The following ABL2 variants were observed in gnomAD, a reference collection of about 807,000 sequenced individuals.
The protein encoded by ABL2 is ABL proto-oncogene 2, non-receptor tyrosine kinase.
A neutral mutation model predicts 107.7 loss-of-function variants in ABL2; 49 were observed. That is an observed-to-expected ratio of 0.45 (90% CI 0.36 to 0.58). The LOEUF is 0.58. Ranked by LOEUF, ABL2 falls within the 20% of genes least tolerant of loss-of-function variation. The pLI is 0.00. For missense variants in ABL2, 1,245 were observed against 1,457.0 expected (o/e 0.85, Z 2.37); for synonymous variants, 549 against 548.6 (o/e 1.00, Z -0.01).
At chr1:179,128,465 A>G (rs929300812) in intron 3 of ABL2, among the ~76,000 whole-genome samples, 13 of 152,166 alleles carry the variant, frequency 8.5e-5, no homozygotes, top group Non-Finnish European at 1.5e-5. Flanking sequence ...CTATATATAC[A>G]TTTTTTAATA....
chr1:179,197,452 C>T (rs990808520), intron 1 of ABL2, among the ~76,000 whole-genome samples: 15 of 151,760 alleles, frequency 9.9e-5, no homozygotes, highest in African/African-American at 3.4e-4. Flanking sequence ...GGCCCTTTTA[C>T]CCCCACCAAA....
At chr1:179,195,557 G>T (rs1661261412) in intron 1 of ABL2, among the ~76,000 whole-genome samples, 1 of 152,064 alleles carries the variant, frequency 6.6e-6, no homozygotes, top group Admixed American at 6.5e-5. Context: ...TTGAAAGCAG[G>T]AACTCAGATA....
At chr1:179,184,676 G>A (rs1258502567) in intron 1 of ABL2, 3 of 465,430 alleles carry the variant, frequency 6.4e-6, no homozygotes, top group African/African-American at 6.1e-5. Context: ...GGACAGTAGG[G>A]TGAAGGAGAA....
At position 179,100,451 on chromosome 1, in the gene ABL2, T is replaced by C. The variant is rs1317632372; in HGVS notation, c.*7267A>G. The C allele has an allele frequency of 8.8e-6, 2 of 226,916 alleles. No homozygotes were observed. The highest frequency in any genetic ancestry group is 1.8e-4 in the South Asian group (1 of 5,480). 14.1% of individuals were successfully genotyped at this position (226,916 alleles called of 1,614,324 possible). On this transcript the variant is annotated 3_prime_UTR_variant, in exon 12 of 12. Transcript: ENST00000502732. ...GCATATTCTTTTTATTGTGTCATAATTGCTGAAAATTAAGTATACATATAT... is the reference window on the plus strand; with the variant it reads ...GCATATTCTTTTTATTGTGTCATAACTGCTGAAAATTAAGTATACATATAT...
At chr1:179,122,820 A>G (rs746318006) in intron 4 of ABL2, among the ~76,000 whole-genome samples, 1 of 151,602 alleles carries the variant, frequency 6.6e-6, no homozygotes, top group Non-Finnish European at 1.5e-5. Context: ...CGCCTGGCTA[A>G]TTTTTTTCTT....
At chr1:179,124,613 C>T (rs537580899) in intron 4 of ABL2, among the ~76,000 whole-genome samples, 20 of 151,918 alleles carry the variant, frequency 1.3e-4, no homozygotes, top group Middle Eastern at 3.4e-3. Context: ...GGATTACAGT[C>T]GCGTGCCACC....
intron 3 of ABL2, among the ~76,000 whole-genome samples, chr1:179,128,840 C>G (rs1655997463): frequency 2.0e-5 from 3 of 152,100 alleles, no homozygotes. Context: ...CATGCCACTG[C>G]CCCTGGCTAA....
At chr1:179,202,285 C>A (rs1001472756) in intron 1 of ABL2, among the ~76,000 whole-genome samples, 18 of 152,150 alleles carry the variant, frequency 1.2e-4, no homozygotes, top group Non-Finnish European at 4.4e-5. Context: ...TAGCTGCTAA[C>A]AATATGGAAG....
intron 1 of ABL2, among the ~76,000 whole-genome samples, chr1:179,133,859 T>C (rs920083030): frequency 2.0e-5 from 3 of 152,170 alleles, no homozygotes; most frequent in African/African-American, 7.2e-5. Flanking sequence ...TAACAATATA[T>C]TGTAATAAAA....
intron 1 of ABL2, among the ~76,000 whole-genome samples, chr1:179,225,304 A>G (rs1483740222): frequency 6.6e-6 from 1 of 152,236 alleles, no homozygotes; most frequent in Non-Finnish European, 1.5e-5. Context: ...AACTAAATGT[A>G]TTATTTGGCT....
intron 1 of ABL2, chr1:179,184,108 C>G (rs547729251): frequency 1.0e-4 from 29 of 286,596 alleles, no homozygotes; most frequent in Non-Finnish European, 1.7e-4. Context: ...GCCAAAGTTC[C>G]AAGTTTTGGG....
chr1:179,121,710 T>G lies in ABL2; in HGVS notation c.845A>C (p.Glu282Ala). The change falls in exon 5 of 12, where the codon GAA becomes GCA. Residue 282 changes from glutamate to alanine, a missense_variant. Glu to Ala is a moderately radical substitution (Grantham distance 107). Transcript: ENST00000502732. ...CATGGTAATATCTGTTCGCTCCATT[T>G]CCCATTTGTCGTGGATGGGGGACAC... is the stretch of plus-strand genomic sequence containing the variant. The part of the protein sequence containing the change: ...YGVSPIHDKW[E>A]MERTDITMKH... 6.2e-7 allele frequency: 1 copy of G among 1,614,092 alleles called. No homozygotes were observed. The highest frequency in any genetic ancestry group is 8.5e-7 in the Non-Finnish European group (1 of 1,180,030).
chr1:179,136,196 C>T (rs1380146870), intron 1 of ABL2, among the ~76,000 whole-genome samples: 14 of 151,896 alleles, frequency 9.2e-5, no homozygotes, highest in South Asian at 2.1e-4. Flanking sequence ...GCCACCACCC[C>T]GTCTGGGAGG....
chr1:179,128,062 T>C (rs373982701), intron 3 of ABL2, among the ~76,000 whole-genome samples: 2 of 149,114 alleles, frequency 1.3e-5, no homozygotes, highest in African/African-American at 4.9e-5. Flanking sequence ...TGGCCAGAAG[T>C]ATCAGGCAAA....
At chr1:179,184,982 C>A (rs1387336584) in intron 1 of ABL2, among the ~76,000 whole-genome samples, 1 of 152,124 alleles carries the variant, frequency 6.6e-6, no homozygotes, top group East Asian at 1.9e-4. Context: ...AAAAGAAAAA[C>A]CTGCTCCCTT....
intron 11 of ABL2, among the ~76,000 whole-genome samples, chr1:179,109,866 T>G (rs1653864559): frequency 6.7e-6 from 1 of 150,148 alleles, no homozygotes; most frequent in Admixed American, 6.7e-5. Flanking sequence ...AGGCGGAGCT[T>G]GCAGTGAGCC....
chr1:179,156,102 A>G (rs535599036), intron 1 of ABL2, among the ~76,000 whole-genome samples: 2 of 152,038 alleles, frequency 1.3e-5, no homozygotes, highest in South Asian at 4.2e-4. Flanking sequence ...TGTTAAAAAT[A>G]AAAAACAAAA....
Position 179,117,420 on chromosome 1 carries a change from A to G in ABL2, c.1320T>C (p.Thr440=), listed in dbSNP as rs769111836. The change falls in exon 8 of 12, where the codon ACT becomes ACC. Residue 440 remains threonine, a synonymous_variant. Transcript: ENST00000502732. ...LSRLMTGDTY[T]AHAGAKFPIK... ...TAGGAAATTTGGCTCCAGCATGAGC[A>G]GTATAAGTGTCTCCAGTCATCAATC... The G allele has an allele frequency of 8.1e-6, 13 of 1,614,214 alleles. No homozygotes were observed. The South Asian group carries it at 1.4e-4, about 18-fold the overall frequency.
At chr1:179,217,243 G>A (rs1055359413) in intron 1 of ABL2, among the ~76,000 whole-genome samples, 7 of 152,018 alleles carry the variant, frequency 4.6e-5, no homozygotes, top group Non-Finnish European at 8.8e-5. Flanking sequence ...GAACCCAAGA[G>A]GCCGAGGTTG....
Sources: gnomAD v4.1 joint callset for allele counts (sites outside exome capture counted in the v4.1 genomes callset) on GRCh38, gnomAD v4.1.1 for gene constraint, MANE v1.5 for transcripts, NCBI Gene and HGNC (gene_info 2026-07-23, HGNC 2026-07-21) for gene names.